IRAG2: variants seen among roughly 807,000 people sequenced by gnomAD.
IRAG2 encodes inositol 1,4,5-triphosphate receptor associated 2.
IRAG2 carries 45 observed loss-of-function variants against 69.9 expected under a neutral mutation model. The ratio of observed to expected loss-of-function variants is 0.64; its 90% CI spans 0.51 to 0.83. The LOEUF (loss-of-function observed/expected upper bound fraction) is 0.83. IRAG2 is among the 40% of genes least tolerant of loss of function. The probability of loss-of-function intolerance (pLI) is 0.00; values close to 1 mark genes in which losing one functional copy is unlikely to be tolerated. For synonymous variants in IRAG2, 193 were observed against 202.4 expected (o/e 0.95, Z 0.40); for missense variants, 520 against 587.0 (o/e 0.89, Z 1.18).
At chr12:25,002,278 G>T (rs1048613360), upstream of IRAG2, among the ~76,000 whole-genome samples, 5 of 152,316 alleles carry the variant, frequency 3.3e-5, no homozygotes, top group South Asian at 4.1e-4. Flanking sequence ...CTGAAAAGTA[G>T]TTGGGAGCCA....
intron 7 of IRAG2, among the ~76,000 whole-genome samples, chr12:25,022,070 A>G (rs1944585485): frequency 6.6e-6 from 1 of 152,186 alleles, no homozygotes; most frequent in Admixed American, 6.5e-5. Context: ...GCCCTGCCAC[A>G]TAGTCACTCT....
chr12:25,058,940 G>A (rs1945437605), intron 1 of IRAG2, among the ~76,000 whole-genome samples: 1 of 152,202 alleles, frequency 6.6e-6, no homozygotes, highest in African/African-American at 2.4e-5. Flanking sequence ...TTGCCATGTG[G>A]AAAATATGGA....
chr12:25,079,253 G>A lies in IRAG2; in HGVS notation c.34G>A (p.Val12Ile). ...TTTCTTTTTCCTTAAGGAGAATGGT[G>A]TTGAACGCGTGTGTCCTGAGAGCCT... ...NDDPSMEENG[V>I]ERVCPESLLQ... The change falls in exon 7 of 22, where the codon GTT becomes ATT. Residue 12 changes from valine to isoleucine, a missense_variant. Val to Ile is a conservative substitution (Grantham distance 29). Transcript: ENST00000556887. 2 of 1,614,130 alleles carry A rather than the reference G, an allele frequency of 1.2e-6. No individual in the cohort carries two copies. The highest frequency in any genetic ancestry group is 1.7e-6 in the Non-Finnish European group (2 of 1,179,978).
chr12:25,061,290 CG>C (rs1945619677), intron 1 of IRAG2, among the ~76,000 whole-genome samples: 1 of 152,034 alleles, frequency 6.6e-6, no homozygotes, highest in Non-Finnish European at 1.5e-5. Flanking sequence ...TGTGGGAGGC[CG>C]GGGTGGGTGG....
chr12:25,087,153 CTTTTTTTTTTTTT>C (rs780510333), intron 10 of IRAG2, among the ~76,000 whole-genome samples: 101 of 76,678 alleles, frequency 1.3e-3, no homozygotes, highest in Non-Finnish European at 1.8e-3. Flanking sequence ...ACTCTCCTTC[CTTTTTTTTTTTTT>C]TTTTTTTTTT....
In IRAG2 at chr12:25,101,318, A is replaced by C; in HGVS notation, c.882A>C (p.Glu294Asp). The C allele has an allele frequency of 6.3e-7, 1 of 1,591,076 alleles. No individual in the cohort carries two copies. The highest frequency in any genetic ancestry group is 8.6e-7 in the Non-Finnish European group (1 of 1,168,990). The change falls in exon 16 of 22, where the codon GAA becomes GAC. Residue 294 changes from glutamate (E) to aspartate (D), a missense_variant. Coordinates refer to ENST00000556887, the MANE Select transcript of IRAG2 (RefSeq NM_001366544.2). Reference protein sequence around the residue: ...LQNERSFNPLEDDDDCQIKKR... With the variant: ...LQNERSFNPLDDDDDCQIKKR... ...ATGAAAGGTCTTTCAATCCTCTTGA[A>C]GATGATGGTAATAAAAGTTTATGAT... is the stretch of plus-strand genomic sequence containing the variant.
chr12:25,020,877 G>A (rs2139834732), exon 7 of IRAG2: 1 of 1,231,818 alleles, frequency 8.1e-7, no homozygotes, highest in Non-Finnish European at 1.0e-6. Flanking sequence ...AAGAGCAGAA[G>A]AGCATGATTG....
chr12:25,018,325 A>C (rs1168285870), intron 6 of IRAG2, among the ~76,000 whole-genome samples: 1 of 138,330 alleles, frequency 7.2e-6, no homozygotes, highest in African/African-American at 2.7e-5. Context: ...CTCACCCCCC[A>C]CCCCTCAAGT....
chr12:25,068,855 A>G (rs1484781276), intron 5 of IRAG2, among the ~76,000 whole-genome samples: 1 of 152,160 alleles, frequency 6.6e-6, no homozygotes, highest in Admixed American at 6.5e-5. Context: ...ATTGATCACA[A>G]TATCAACGAC....
chr12:25,078,409 A>T (rs1008603136), intron 6 of IRAG2, among the ~76,000 whole-genome samples: 10 of 151,944 alleles, frequency 6.6e-5, no homozygotes, highest in African/African-American at 2.4e-4. Context: ...TGTGACAGTT[A>T]GTAAGTTCTG....
intron 6 of IRAG2, among the ~76,000 whole-genome samples, chr12:25,077,170 A>G (rs1946741398): frequency 8.7e-6 from 1 of 115,196 alleles, no homozygotes; most frequent in South Asian, 2.7e-4. Flanking sequence ...TGCCTTGTTC[A>G]TTTCATATAT....
At chr12:25,060,668 CTTTT>C (rs753591747) in intron 1 of IRAG2, among the ~76,000 whole-genome samples, 1 of 99,282 alleles carries the variant, frequency 1.0e-5, no homozygotes, top group Admixed American at 1.2e-4. Context: ...AATGTATTTT[CTTTT>C]TTTTTTTTTT....
chr12:25,079,279 G>T lies in IRAG2; in HGVS notation c.60G>T (p.Leu20=). The change falls in exon 7 of 22, where the codon CTG becomes CTT. Residue 20 remains leucine, a synonymous_variant. Transcript: ENST00000556887. Reference sequence around the variant, plus strand: ...TTGAACGCGTGTGTCCTGAGAGCCTGCTGCAGTCCAGGTTTGCTTGTTTGT... The same window carrying T: ...TTGAACGCGTGTGTCCTGAGAGCCTTCTGCAGTCCAGGTTTGCTTGTTTGT... ...NGVERVCPES[L]LQSREYSSLP... is the part of the protein sequence containing the mutation. The T allele has an allele frequency of 6.2e-7, 1 of 1,614,066 alleles. No individual in the cohort carries two copies. Among genetic ancestry groups the T allele is most frequent in the Non-Finnish European group, 8.5e-7 (1 of 1,179,946 alleles).
intron 10 of IRAG2, among the ~76,000 whole-genome samples, chr12:25,030,667 G>A (rs980338401): frequency 2.0e-5 from 3 of 152,252 alleles, no homozygotes; most frequent in East Asian, 3.9e-4. Flanking sequence ...GATTACAGGC[G>A]TGAGCCACCG....
chr12:25,054,937 G>C (rs896787431), intron 1 of IRAG2, among the ~76,000 whole-genome samples: 4 of 152,146 alleles, frequency 2.6e-5, no homozygotes, highest in Non-Finnish European at 1.5e-5. Flanking sequence ...ACACGTCCAC[G>C]CACATCCCGC....
intron 2 of IRAG2, among the ~76,000 whole-genome samples, chr12:25,006,706 G>A (rs699038): frequency 0.57 from 86,866 of 151,912 alleles, 25,767 homozygotes; most frequent in African/African-American, 0.72. Context: ...GGAACAATAG[G>A]TATGGGGACT....
At chr12:24,998,258 G>A in the IRAG2 span, among the ~76,000 whole-genome samples, 1 of 152,154 alleles carries the variant, frequency 6.6e-6, no homozygotes, top group Admixed American at 6.5e-5. Context: ...AATATAACAA[G>A]GTTAACTGAA....
At chr12:25,011,048 C>T (rs886143935) in intron 2 of IRAG2, among the ~76,000 whole-genome samples, 2 of 152,170 alleles carry the variant, frequency 1.3e-5, no homozygotes, top group African/African-American at 4.8e-5. Context: ...TTATTGATTA[C>T]ATATATCATC....
At chr12:25,051,071 A>G (rs550745709), upstream of IRAG2, among the ~76,000 whole-genome samples, 1 of 152,322 alleles carries the variant, frequency 6.6e-6, no homozygotes, top group Admixed American at 6.5e-5. Context: ...GCCTGTAGTT[A>G]ATAATACTGT....
Sources: allele counts gnomAD v4.1 joint callset (sites outside exome capture counted in the v4.1 genomes callset), GRCh38; gene constraint gnomAD v4.1.1; transcripts MANE v1.5; gene names NCBI Gene and HGNC (gene_info 2026-07-23, HGNC 2026-07-21).